The following CCNH variants were observed in gnomAD, a reference collection of about 807,000 sequenced individuals.
The protein encoded by CCNH is cyclin H.
CCNH carries 31 observed loss-of-function variants against 41.9 expected under a neutral mutation model. The observed-to-expected ratio is 0.74, with a 90% CI of 0.56 to 1.00. The LOEUF (loss-of-function observed/expected upper bound fraction) is 1.00. Among genes scored for constraint, CCNH ranks in the 50% least tolerant of loss-of-function variants. The pLI is 0.00. For missense variants in CCNH, 362 were observed against 388.4 expected, an observed-to-expected ratio of 0.93 and a Z score of 0.57; for synonymous variants, 138 against 136.1, an observed-to-expected ratio of 1.01 and a Z score of -0.10.
At chr5:87,380,202 A>T (rs1217249720), upstream of CCNH, among the ~76,000 whole-genome samples, 4 of 152,116 alleles carry the variant, frequency 2.6e-5, no homozygotes, top group Non-Finnish European at 4.4e-5. Flanking sequence ...AGTATTAGTG[A>T]ACTCACTTGT....
intron 9 of CCNH, among the ~76,000 whole-genome samples, chr5:87,366,117 A>C (rs1316706768): frequency 6.6e-6 from 1 of 152,202 alleles, no homozygotes; most frequent in Non-Finnish European, 1.5e-5. Flanking sequence ...GATTTACTGA[A>C]GAATCAGTAA....
rs768732604 is a variant in CCNH at position 87,394,962 on chromosome 5, T to G, written c.933+82A>C. The stretch of plus-strand genomic sequence containing the variant: ...CACAACTCTATAATGCCTGTACTCT[T>G]GGAGAATAAATCTTAACAGTATAGT... On this transcript the variant is annotated intron_variant, in intron 8 of 8. Transcript: ENST00000256897. 1.2e-4 allele frequency: 189 copies of G among 1,601,950 alleles called. 2 individuals are homozygous for G. The South Asian group carries it at 2.0e-3, about 17-fold the overall frequency.
chr5:87,323,926 T>C (rs1757018521), intron 9 of CCNH, among the ~76,000 whole-genome samples: 1 of 152,200 alleles, frequency 6.6e-6, no homozygotes, highest in African/African-American at 2.4e-5. Context: ...CTATACCAGA[T>C]TACAGTTGCT....
chr5:87,333,125 T>TTA, intron 9 of CCNH: 1 of 1,301,066 alleles, frequency 7.7e-7, no homozygotes, highest in Non-Finnish European at 1.0e-6. Context: ...CACTGGGTAT[T>TTA]TATAGTCCAA....
upstream of CCNH, among the ~76,000 whole-genome samples, chr5:87,381,745 T>G (rs936222082): frequency 2.0e-5 from 3 of 152,216 alleles, no homozygotes; most frequent in African/African-American, 4.8e-5. Context: ...AAATTAAAAC[T>G]GTTCTATAAA....
At chr5:87,331,690 CAA>C (rs769485861) in intron 9 of CCNH, among the ~76,000 whole-genome samples, 14 of 152,038 alleles carry the variant, frequency 9.2e-5, no homozygotes, top group Admixed American at 2.0e-4. Flanking sequence ...TGTTTAAAAA[CAA>C]TATTGTTGGG....
intron 9 of CCNH, among the ~76,000 whole-genome samples, chr5:87,357,388 T>C (rs1451445831): frequency 6.6e-6 from 1 of 152,156 alleles, no homozygotes; most frequent in Non-Finnish European, 1.5e-5. Flanking sequence ...TCCTCAATTC[T>C]AATTCCCCTT....
Position 87,386,064 on chromosome 5 carries a change from T to C in CCNH, c.*90+6706A>G, listed in dbSNP as rs546600577. 2.8e-4 allele frequency among the ~76,000 whole-genome samples: 42 copies of C among 152,162 alleles called. 1 individual carries two copies. The South Asian group carries it at 8.3e-3, about 30-fold the overall frequency. Reference sequence around the variant, plus strand: ...TTTCCTGTCAGCAATTTAAGATACTTTTATTGCTCCTCACAGCCTTGCCAG... The same window carrying C: ...TTTCCTGTCAGCAATTTAAGATACTCTTATTGCTCCTCACAGCCTTGCCAG... On this transcript the variant is annotated intron_variant and NMD_transcript_variant, in intron 9 of 9. Coordinates refer to the CCNH transcript ENST00000645953.
chr5:87,321,051 C>G (rs146960043), intron 9 of CCNH, among the ~76,000 whole-genome samples: 1 of 151,978 alleles, frequency 6.6e-6, no homozygotes, highest in African/African-American at 2.4e-5. Context: ...GAAGAAAGAG[C>G]CTATTAGGGA....
rs1762824230 is a variant in CCNH, at chr5:87,395,080, ATCT to A, written c.894_896del (p.Glu298del). The A allele has an allele frequency of 6.2e-7, 1 of 1,611,936 alleles. No individual in the cohort carries two copies. The highest frequency in any genetic ancestry group is 1.1e-5 in the South Asian group (1 of 91,006). On this transcript the variant is annotated inframe_deletion, in exon 8 of 9. Coordinates refer to ENST00000256897, the MANE Select transcript of CCNH (RefSeq NM_001239.4). The stretch of plus-strand genomic sequence containing the variant: ...TGGATTTCTTTGAGACGTAATCATC[ATCT>A]TCATAGCCTTTCCTCTTCTTCCTAT...
rs1757730388 is a variant in CCNH, at chr5:87,333,285, C to T, written c.*91-14388G>A. On this transcript the variant is annotated intron_variant and NMD_transcript_variant, in intron 9 of 9. Coordinates refer to the CCNH transcript ENST00000645953. ...TTTCTAGCCAGTAGAAGATAGAAGG[C>T]GTGTACGAGCTATTCTACCTTACAC... 1 of 1,612,108 alleles carries T rather than the reference C, an allele frequency of 6.2e-7. No individual in the cohort carries two copies. The highest frequency in any genetic ancestry group is 8.5e-7 in the Non-Finnish European group (1 of 1,179,288).
At chr5:87,369,674 G>GC in intron 9 of CCNH, 1 of 619,828 alleles carries the variant, frequency 1.6e-6, no homozygotes, top group East Asian at 2.9e-5. Context: ...TTTTAGTAAT[G>GC]ATCTGGTACA....
At chr5:87,329,331 A>G (rs1022445805) in intron 9 of CCNH, among the ~76,000 whole-genome samples, 1 of 150,834 alleles carries the variant, frequency 6.6e-6, no homozygotes, top group African/African-American at 2.4e-5. Context: ...AGTCTCGGCT[A>G]CTTGGGAGGC....
intron 4 of CCNH, 41 bp downstream of exon 4, chr5:87,407,934 GA>G: frequency 9.3e-6 from 13 of 1,398,884 alleles, no homozygotes; most frequent in Non-Finnish European, 1.3e-5. Context: ...TAAAGAATAG[GA>G]AAGGAGAATG....
Position 87,404,867 on chromosome 5 carries a change from G to A in CCNH, c.666C>T (p.Ser222=). Reference sequence around the variant, plus strand: ...ACCTTTCCATAGTAATTCCAGCCCTGGAGGCACTAGATAAAATGGCAGTCA... The same window carrying A: ...ACCTTTCCATAGTAATTCCAGCCCTAGAGGCACTAGATAAAATGGCAGTCA... ...IALTAILSSA[S]RAGITMESYL... The change falls in exon 5 of 9, where the codon TCC becomes TCT. Residue 222 remains serine, a synonymous_variant. Coordinates refer to ENST00000256897, the MANE Select transcript of CCNH (RefSeq NM_001239.4). The A allele has an allele frequency of 1.9e-6, 3 of 1,613,124 alleles. No individual in the cohort carries two copies. Among genetic ancestry groups the A allele is most frequent in the Non-Finnish European group, 2.5e-6 (3 of 1,179,532 alleles).
chr5:87,410,188 T>G (rs559201890), intron 2 of CCNH, among the ~76,000 whole-genome samples: 46 of 152,206 alleles, frequency 3.0e-4, no homozygotes, highest in Non-Finnish European at 5.6e-4. Context: ...TTTAGTTTTG[T>G]CATTATGTAA....
intron 9 of CCNH, among the ~76,000 whole-genome samples, chr5:87,358,072 T>C (rs1759788652): frequency 6.6e-6 from 1 of 152,162 alleles, no homozygotes. Flanking sequence ...TACTATCTTT[T>C]TACTAATCGC....
intron 9 of CCNH, among the ~76,000 whole-genome samples, chr5:87,337,725 A>G (rs1486854559): frequency 6.6e-6 from 1 of 152,100 alleles, no homozygotes; most frequent in East Asian, 1.9e-4. Flanking sequence ...ATTCAGTGAT[A>G]TAGTTAGTGC....
At chr5:87,364,014 C>T (rs1304678118) in intron 9 of CCNH, among the ~76,000 whole-genome samples, 1 of 152,122 alleles carries the variant, frequency 6.6e-6, no homozygotes, top group Non-Finnish European at 1.5e-5. Flanking sequence ...GAATCCTAAA[C>T]ATCAGAAGAC....
Sources: gnomAD v4.1 joint callset for allele counts (sites outside exome capture counted in the v4.1 genomes callset) on GRCh38, gnomAD v4.1.1 for gene constraint, MANE v1.5 for transcripts, NCBI Gene and HGNC (gene_info 2026-07-23, HGNC 2026-07-21) for gene names.